The following SPRY4 variants were observed in gnomAD, a reference collection of about 807,000 sequenced individuals.
SPRY4 encodes sprouty RTK signaling antagonist 4.
A neutral mutation model predicts 17.0 loss-of-function variants in SPRY4; 7 were observed. That is an observed-to-expected ratio of 0.41 (90% CI 0.23 to 0.77). SPRY4 has a LOEUF of 0.77. Ranked by LOEUF, SPRY4 falls within the 30% of genes least tolerant of loss-of-function variation. SPRY4 has a pLI of 0.32. For synonymous variants in SPRY4, 183 were observed against 174.1 expected (o/e 1.05, Z -0.40); for missense variants, 435 against 419.9 (o/e 1.04, Z -0.31).
Position 142,314,627 on chromosome 5 carries a change from G to T in SPRY4, c.482C>A (p.Ala161Asp). ...CTCCTTGCATTTACACTTCCCACAG[G>T]CCTCGCACAGCAAGAAGTGCTTGTC... ...ELDKHFLLCE[A>D]CGKCKCKECA... The change falls in exon 2 of 2, where the codon GCC (alanine) becomes GAC (aspartate). Residue 161 changes from alanine (A) to aspartate (D), a missense_variant. Coordinates refer to ENST00000434127, the MANE Select transcript of SPRY4 (RefSeq NM_001127496.3). This position sits in a 1 kb window ranked among gnomAD's most constrained non-coding sequence, Gnocchi z 4.8. 1 of 1,614,212 alleles carries T rather than the reference G, an allele frequency of 6.2e-7. No individual in the cohort carries two copies. The highest frequency in any genetic ancestry group is 8.5e-7 in the Non-Finnish European group (1 of 1,180,034).
chr5:142,316,990 C>T (rs1759174568), intron 1 of SPRY4: 2 of 985,222 alleles, frequency 2.0e-6, no homozygotes, highest in South Asian at 9.4e-5. Flanking sequence ...GCAGTGCCTG[C>T]CCCCATGTTC....
chr5:142,322,486 A>ATATATATATG (rs1554100334), intron 1 of SPRY4, among the ~76,000 whole-genome samples: 49 of 132,860 alleles, frequency 3.7e-4, no homozygotes, highest in Admixed American at 9.4e-4. Context: ...AAAAAAAAAT[A>ATATATATATG]TATATATATA....
intron 1 of SPRY4, among the ~76,000 whole-genome samples, 170 bp downstream of exon 1, chr5:142,324,674 G>A (rs1024675125): frequency 6.6e-6 from 1 of 152,218 alleles, no homozygotes; most frequent in Non-Finnish European, 1.5e-5. Flanking sequence ...CCGGGCCGAG[G>A]GCGTCAGGGA....
rs201716745 is a variant in SPRY4 at position 142,314,531 on chromosome 5, A to G, written c.578T>C (p.Leu193Pro). ...ACACATGCACGTGCCATAGTTGACC[A>G]GAGTCTGGGCTGAGCACAGGCACTC... ...NQECLCSAQT[L>P]VNYGTCMCLV... Residue 193 changes from leucine to proline, a missense_variant, in exon 2 of 2, where the codon CTG (leucine) becomes CCG (proline). Physicochemically the swap from Leu to Pro is moderately conservative, Grantham distance 98. Coordinates refer to ENST00000434127, the MANE Select transcript of SPRY4 (RefSeq NM_001127496.3). This position sits in a 1 kb window ranked among gnomAD's most constrained non-coding sequence, Gnocchi z 4.8. The G allele has an allele frequency of 6.2e-7, 1 of 1,614,240 alleles. No individual in the cohort carries two copies. Among genetic ancestry groups the G allele is most frequent in the East Asian group, 2.2e-5 (1 of 44,896 alleles).
chr5:142,314,109 A>G lies in SPRY4; in HGVS notation c.*100T>C. 7.6e-7 allele frequency: 1 copy of G among 1,309,666 alleles called. No individual in the cohort carries two copies. Among genetic ancestry groups the G allele is most frequent in the South Asian group, 1.4e-5 (1 of 68,972 alleles). The allele number at this position is 1,309,666 out of a possible 1,614,324, so 81.1% of individuals were successfully genotyped here. ...AGGGAGTGGGCAGACTAGCAAGGTCAGCCTCAGGAGGCTAAAACCTCTGAC... is the reference window on the plus strand; with the variant it reads ...AGGGAGTGGGCAGACTAGCAAGGTCGGCCTCAGGAGGCTAAAACCTCTGAC... On this transcript the variant is annotated 3_prime_UTR_variant, in exon 2 of 2. Coordinates refer to ENST00000434127, the MANE Select transcript of SPRY4 (RefSeq NM_001127496.3). The surrounding 1 kb of genome is among the most constrained non-coding windows in gnomAD (Gnocchi z 4.8).
At chr5:142,318,902 G>C (rs556684149) in intron 1 of SPRY4, among the ~76,000 whole-genome samples, 3 of 152,234 alleles carry the variant, frequency 2.0e-5, no homozygotes, top group African/African-American at 7.2e-5. Flanking sequence ...AACATTTCTT[G>C]GTGCCAGGCT....
chr5:142,313,193 A>C lies in SPRY4; in HGVS notation c.*1016T>G, dbSNP rs1267218688. 1 of 152,560 alleles carries C rather than the reference A, an allele frequency of 6.6e-6. No individual in the cohort carries two copies. Among genetic ancestry groups the C allele is most frequent in the African/African-American group, 2.4e-5 (1 of 41,430 alleles). 9.5% of individuals were successfully genotyped at this position (152,560 alleles called of 1,614,324 possible). A position where few individuals can be genotyped will look rare whatever the true frequency, so the allele number is the denominator to read the frequency against. ...GAGGTTGCTCGCCCCCAGATTTTGA[A>C]ATCAGCCCTTCCTGGGGGTGGCCAA... is the stretch of plus-strand genomic sequence containing the variant. On this transcript the variant is annotated 3_prime_UTR_variant, in exon 2 of 2. Transcript: ENST00000434127.
In SPRY4 at chr5:142,313,234, TTTA is replaced by T. The variant is rs961630207; in HGVS notation, c.*972_*974del. On this transcript the variant is annotated 3_prime_UTR_variant, in exon 2 of 2. Transcript: ENST00000434127. ...GGGTGGCCAAAAGGAAACAAGTTGT[TTTA>T]TTATTATTTTTTAAAACACCGTTAG... 1.3e-5 allele frequency: 2 copies of T among 152,614 alleles called. No individual in the cohort carries two copies. The highest frequency in any genetic ancestry group is 6.5e-5 in the Admixed American group (1 of 15,284). The allele number at this position is 152,614 out of a possible 1,614,324, so 9.5% of individuals were successfully genotyped here.
At chr5:142,322,538 C>T (rs1338913439) in intron 1 of SPRY4, among the ~76,000 whole-genome samples, 7 of 151,290 alleles carry the variant, frequency 4.6e-5, no homozygotes, top group Admixed American at 1.3e-4. Flanking sequence ...AAATGTCCAC[C>T]TGTCCACAGC....
At chr5:142,317,917 G>A in intron 1 of SPRY4, 1 of 985,336 alleles carries the variant, frequency 1.0e-6, no homozygotes, top group South Asian at 4.7e-5. Context: ...TGGCTCTCTG[G>A]GGACGATGCA....
chr5:142,314,094 C>T lies in SPRY4; in HGVS notation c.*115G>A. ...TCCGAAGCTGGGGGTAGGGAGTGGG[C>T]AGACTAGCAAGGTCAGCCTCAGGAG... On this transcript the variant is annotated 3_prime_UTR_variant, in exon 2 of 2. Transcript: ENST00000434127. This position sits in a 1 kb window ranked among gnomAD's most constrained non-coding sequence, Gnocchi z 4.8. The T allele has an allele frequency of 8.9e-7, 1 of 1,124,232 alleles. No individual in the cohort carries two copies. Among genetic ancestry groups the T allele is most frequent in the Non-Finnish European group, 1.2e-6 (1 of 807,486 alleles). 69.6% of individuals were successfully genotyped at this position (1,124,232 alleles called of 1,614,324 possible). A position where few individuals can be genotyped will look rare whatever the true frequency, so the allele number is the denominator to read the frequency against.
In SPRY4 at chr5:142,312,237, CCTT is replaced by C. The variant is rs1221853654; in HGVS notation, c.*1969_*1971del. The C allele has an allele frequency of 6.6e-6, 1 of 152,550 alleles. No homozygotes were observed. Among genetic ancestry groups the C allele is most frequent in the Non-Finnish European group, 1.5e-5 (1 of 68,022 alleles). 9.4% of individuals were successfully genotyped at this position (152,550 alleles called of 1,614,324 possible). A position where few individuals can be genotyped will look rare whatever the true frequency, so the allele number is the denominator to read the frequency against. ...TGAATGTGTGTTTTTTTCTACCACT[CCTT>C]CTGAAATGTTCAAGAACATCCATAC... On this transcript the variant is annotated 3_prime_UTR_variant, in exon 2 of 2. Transcript: ENST00000434127.
chr5:142,310,641 G>C lies in SPRY4; in HGVS notation c.*3568C>G, dbSNP rs1424736995. The C allele has an allele frequency of 6.6e-6, 1 of 152,528 alleles. No homozygotes were observed. The highest frequency in any genetic ancestry group is 1.5e-5 in the Non-Finnish European group (1 of 68,016). The allele number at this position is 152,528 out of a possible 1,614,324, so 9.4% of individuals were successfully genotyped here. On this transcript the variant is annotated 3_prime_UTR_variant, in exon 2 of 2. Coordinates refer to ENST00000434127, the MANE Select transcript of SPRY4 (RefSeq NM_001127496.3). ...TGTGGTGGGGTGGAAATGGGCTACA[G>C]TGAGGGGGAAATGAAGTTGGGATGT...
rs1759277386 is a variant in SPRY4, at chr5:142,319,667, A to ACGCGCAACACTGTATTTGCTG, written c.-47-4533_-47-4513dup. ...AGCAGGATATCAAAATCCCCAGAAC[A>ACGCGCAACACTGTATTTGCTG]CGCGCAACACTGTATTTGCTGCTTG... On this transcript the variant is annotated intron_variant, in intron 1 of 1. Transcript: ENST00000434127. The ACGCGCAACACTGTATTTGCTG allele has an allele frequency of 3.2e-6, 5 of 1,542,386 alleles. No individual in the cohort carries two copies. The South Asian group carries it at 4.9e-5, about 15-fold the overall frequency.
chr5:142,319,138 G>A (rs994633905), intron 1 of SPRY4, among the ~76,000 whole-genome samples: 2 of 152,120 alleles, frequency 1.3e-5, no homozygotes, highest in Admixed American at 6.5e-5. Context: ...TAACCTCTGG[G>A]AATTTATGGA....
intron 1 of SPRY4, chr5:142,317,412 A>G (rs1759191081): frequency 1.0e-6 from 1 of 985,320 alleles, no homozygotes; most frequent in African/African-American, 1.7e-5. Flanking sequence ...AGCACCAGCC[A>G]GAACCCTCAC....
chr5:142,319,330 T>C (rs1025204570), intron 1 of SPRY4, among the ~76,000 whole-genome samples: 6 of 152,296 alleles, frequency 3.9e-5, no homozygotes, highest in African/African-American at 1.4e-4. Context: ...TGTGGGGGTT[T>C]GTAATCTCTC....
chr5:142,318,183 GA>G, intron 1 of SPRY4: 3 of 984,352 alleles, frequency 3.0e-6, no homozygotes, highest in Non-Finnish European at 3.6e-6. Flanking sequence ...AAAAAAGAAA[GA>G]AAAAAAGAAA....
intron 1 of SPRY4, chr5:142,317,302 G>C: frequency 1.0e-6 from 1 of 985,442 alleles, no homozygotes. Flanking sequence ...TGGGGCAAGA[G>C]GCCAGGGTTA....
Sources: gnomAD v4.1 joint callset for allele counts (sites outside exome capture counted in the v4.1 genomes callset) on GRCh38, gnomAD v4.1.1 for gene constraint, Gnocchi (gnomAD v3.1) non-coding constraint, MANE v1.5 for transcripts, NCBI Gene and HGNC (gene_info 2026-07-23, HGNC 2026-07-21) for gene names.